The following M1AP variants were observed in gnomAD, a reference collection of about 807,000 sequenced individuals.
The protein encoded by M1AP is meiosis 1 associated protein, also known as meiosis 1 arrest protein.
Under a neutral mutation model 51.2 loss-of-function variants are expected in M1AP, and 39 were observed. The observed-to-expected ratio is 0.76, with a 90% confidence interval of 0.59 to 1.00. The LOEUF (loss-of-function observed/expected upper bound fraction) is 1.00. M1AP is among the 50% of genes least tolerant of loss of function. M1AP has a pLI of 0.00. For synonymous variants in M1AP, 251 were observed against 249.2 expected (o/e 1.01, Z -0.07); for missense variants, 545 against 641.2 (o/e 0.85, Z 1.62).
chr2:74,583,789 A>G (rs1416631128), intron 4 of M1AP, among the ~76,000 whole-genome samples: 2 of 152,208 alleles, frequency 1.3e-5, no homozygotes, highest in Non-Finnish European at 2.9e-5. Flanking sequence ...GCTTCAGTCC[A>G]ACATACTTGT....
At chr2:74,560,126 G>A (rs773084198) in intron 9 of M1AP, 25 bp downstream of exon 9, 2 of 1,611,614 alleles carry the variant, frequency 1.2e-6, no homozygotes, top group South Asian at 2.2e-5. Context: ...AAGTAAGGAA[G>A]AGGAGGGAAG....
At chr2:74,614,483 T>G (rs999350320) in intron 3 of M1AP, among the ~76,000 whole-genome samples, 1 of 152,184 alleles carries the variant, frequency 6.6e-6, no homozygotes, top group African/African-American at 2.4e-5. Context: ...AGCCATGCCC[T>G]TATTTATATT....
intron 2 of M1AP, among the ~76,000 whole-genome samples, chr2:74,634,977 T>G (rs1384331339): frequency 2.0e-5 from 3 of 152,122 alleles, no homozygotes; most frequent in Non-Finnish European, 4.4e-5. Context: ...TAGTCTATTT[T>G]GGGGATAAAA....
At chr2:74,612,182 C>T (rs966529183) in intron 3 of M1AP, among the ~76,000 whole-genome samples, 4 of 151,804 alleles carry the variant, frequency 2.6e-5, no homozygotes, top group African/African-American at 7.3e-5. Context: ...TGAGCCACTG[C>T]GCCCGGCCAC....
intron 3 of M1AP, among the ~76,000 whole-genome samples, chr2:74,607,882 G>C (rs1012389868): frequency 2.0e-5 from 3 of 152,096 alleles, no homozygotes; most frequent in African/African-American, 4.8e-5. Context: ...TCCATGAAGA[G>C]GGATGTAGAT....
chr2:74,590,964 C>G (rs922988160), intron 4 of M1AP, among the ~76,000 whole-genome samples: 1 of 152,184 alleles, frequency 6.6e-6, no homozygotes, highest in Non-Finnish European at 1.5e-5. Flanking sequence ...TTCTCTGTGA[C>G]CTTAGGCCAG....
intron 4 of M1AP, among the ~76,000 whole-genome samples, chr2:74,603,608 A>C (rs372079732): frequency 6.6e-6 from 1 of 152,210 alleles, no homozygotes; most frequent in Admixed American, 6.5e-5. Context: ...AGAGAAGAAG[A>C]GGGAATTTAG....
At chr2:74,586,184 A>T (rs1679695844) in intron 4 of M1AP, among the ~76,000 whole-genome samples, 2 of 152,234 alleles carry the variant, frequency 1.3e-5, no homozygotes, top group African/African-American at 4.8e-5. Flanking sequence ...CTTTTGGTTT[A>T]CATTTGTAAT....
chr2:74,591,984 A>G (rs1449776309), intron 4 of M1AP, among the ~76,000 whole-genome samples: 1 of 151,610 alleles, frequency 6.6e-6, no homozygotes, highest in Admixed American at 6.6e-5. Flanking sequence ...ATTTTTTTTC[A>G]GTAGAGAAGG....
intron 7 of M1AP, among the ~76,000 whole-genome samples, chr2:74,571,623 C>T (rs1283260356): frequency 6.6e-6 from 1 of 152,156 alleles, no homozygotes; most frequent in African/African-American, 2.4e-5. Context: ...AAAGTTTGTA[C>T]TCTATAACAT....
rs943080254 is a variant in M1AP at position 74,558,677 on chromosome 2, T to C, written c.*39A>G. The C allele has an allele frequency of 1.2e-6, 2 of 1,607,086 alleles. No homozygotes were observed. The highest frequency in any genetic ancestry group is 1.7e-6 in the Non-Finnish European group (2 of 1,176,974). On this transcript the variant is annotated 3_prime_UTR_variant, in exon 11 of 11. Transcript: ENST00000421985. ...GCCATTATGTGAACCTGAGCATGGA[T>C]ATGGTTAAGCTGGGCAGCTGGGCTC...
chr2:74,602,425 GTATAGCTAACTTT>G (rs1680729070), intron 4 of M1AP, among the ~76,000 whole-genome samples: 2 of 151,996 alleles, frequency 1.3e-5, no homozygotes, highest in African/African-American at 4.8e-5. Context: ...TTAATAATAA[GTATAGCTAACTTT>G]TATAGAGAAC....
In M1AP at chr2:74,560,190, C is replaced by T. The variant is rs1286842556; in HGVS notation, c.1383G>A (p.Gly461=). The change falls in exon 9 of 11, where the codon GGG becomes GGA. Residue 461 remains glycine, a synonymous_variant. Coordinates refer to ENST00000421985, the MANE Select transcript of M1AP (RefSeq NM_001321739.2). ...GGCTCTCCCAGTGTGGGTGGAGCCG[C>T]CCCTGAGGCTTGGCATAGATGCTGC... ...HLSSIYAKPQ[G]RLHPHWESRA... is the part of the protein sequence containing the mutation. The T allele has an allele frequency of 4.3e-6, 7 of 1,613,964 alleles. No individual in the cohort carries two copies. Among genetic ancestry groups the T allele is most frequent in the Non-Finnish European group, 5.9e-6 (7 of 1,179,986 alleles).
intron 6 of M1AP, among the ~76,000 whole-genome samples, chr2:74,576,089 A>G (rs1410483748): frequency 6.6e-6 from 1 of 152,230 alleles, no homozygotes; most frequent in Non-Finnish European, 1.5e-5. Flanking sequence ...GGGAGGGGGC[A>G]GGGGTAGATC....
intron 7 of M1AP, among the ~76,000 whole-genome samples, chr2:74,565,450 T>G (rs1678311983): frequency 6.6e-6 from 1 of 152,296 alleles, no homozygotes; most frequent in East Asian, 1.9e-4. Context: ...AAGGCTGGTT[T>G]AATACCCTCA....
intron 5 of M1AP, 100 bp from the exon 6 acceptor site, chr2:74,576,718 C>T: frequency 7.3e-7 from 1 of 1,361,864 alleles, no homozygotes; most frequent in South Asian, 1.3e-5. Context: ...ACAACATCTG[C>T]TACCCATTCC....
At chr2:74,588,571 T>C (rs1212851767) in intron 4 of M1AP, among the ~76,000 whole-genome samples, 1 of 152,214 alleles carries the variant, frequency 6.6e-6, no homozygotes, top group Non-Finnish European at 1.5e-5. Context: ...GTCAAGCTTG[T>C]CTTTCTAAGC....
intron 4 of M1AP, among the ~76,000 whole-genome samples, chr2:74,598,777 T>C (rs1239998231): frequency 6.6e-6 from 1 of 151,880 alleles, no homozygotes; most frequent in Non-Finnish European, 1.5e-5. Context: ...CATGCCACCA[T>C]GCCTGGCTAA....
At chr2:74,633,365 C>A (rs1204898398) in intron 2 of M1AP, among the ~76,000 whole-genome samples, 1 of 152,176 alleles carries the variant, frequency 6.6e-6, no homozygotes, top group Admixed American at 6.5e-5. Context: ...GAATCCCCTA[C>A]TCTTAATGTC....
Sources: allele counts gnomAD v4.1 joint callset (sites outside exome capture counted in the v4.1 genomes callset), GRCh38; gene constraint gnomAD v4.1.1; transcripts MANE v1.5; gene names NCBI Gene and HGNC (gene_info 2026-07-23, HGNC 2026-07-21).